PALD1: variants seen among roughly 807,000 people sequenced by gnomAD.
The protein encoded by PALD1 is phosphatase domain containing paladin 1, also known as paladin.
In PALD1, 57 loss-of-function variants were observed where a neutral mutation model predicts 96.0. That is an observed-to-expected ratio of 0.59 (90% CI 0.48 to 0.74). The LOEUF (loss-of-function observed/expected upper bound fraction) is 0.74, where lower values mean the gene tolerates loss of function less well. PALD1 is among the 30% of genes least tolerant of loss of function. The pLI, the probability that PALD1 is intolerant of heterozygous loss-of-function variation, is 0.00. For missense variants in PALD1, 1,063 were observed against 1,143.7 expected (o/e 0.93, Z 1.02); for synonymous variants, 464 against 473.6 (o/e 0.98, Z 0.26).
At chr10:70,538,160 T>A in intron 11 of PALD1, 120 bp from the exon 12 acceptor site, 1 of 1,099,082 alleles carries the variant, frequency 9.1e-7, no homozygotes, top group Non-Finnish European at 1.3e-6. Context: ...GCCACTCCCT[T>A]GTCCCTGCTC....
intron 10 of PALD1, among the ~76,000 whole-genome samples, chr10:70,535,405 A>G (rs761354842): frequency 1.5e-5 from 1 of 65,960 alleles, no homozygotes; most frequent in Non-Finnish European, 2.7e-5. Flanking sequence ...CTTTTTCCTC[A>G]CCCTCTTCCT....
At chr10:70,468,703 TGTG>T in the PALD1 span, among the ~76,000 whole-genome samples, 11 of 19,798 alleles carry the variant, frequency 5.6e-4, no homozygotes, top group Admixed American at 4.8e-3. Context: ...GAGGCAGGAC[TGTG>T]TGTGTGTGTG....
chr10:70,468,853 C>T, the PALD1 span, among the ~76,000 whole-genome samples: 1 of 151,974 alleles, frequency 6.6e-6, no homozygotes, highest in African/African-American at 2.4e-5. Flanking sequence ...TCTCCTGAGG[C>T]AGGACTCTTA....
intron 18 of PALD1, among the ~76,000 whole-genome samples, chr10:70,555,416 A>T (rs1346190318): frequency 6.6e-6 from 1 of 152,210 alleles, no homozygotes; most frequent in Admixed American, 6.5e-5. Flanking sequence ...TGGAGGCTGG[A>T]CCAGAAGCTG....
chr10:70,555,099 G>C (rs1026938960), intron 18 of PALD1, among the ~76,000 whole-genome samples: 22 of 144,254 alleles, frequency 1.5e-4, no homozygotes, highest in Non-Finnish European at 3.0e-4. Context: ...AGCCTCCCAA[G>C]TATCTGGGAT....
At chr10:70,526,915 A>G (rs763859227) in intron 2 of PALD1, among the ~76,000 whole-genome samples, 12 of 152,172 alleles carry the variant, frequency 7.9e-5, no homozygotes, top group Non-Finnish European at 1.2e-4. Flanking sequence ...AAGTTTGGCA[A>G]AGACTTAGCA....
chr10:70,536,537 T>C (rs1286406502), intron 10 of PALD1, among the ~76,000 whole-genome samples: 1 of 152,226 alleles, frequency 6.6e-6, no homozygotes, highest in Non-Finnish European at 1.5e-5. Context: ...AGATTGGGCA[T>C]CAGCAAACTA....
At chr10:70,519,131 CAG>C (rs772032775) in intron 1 of PALD1, among the ~76,000 whole-genome samples, 9 of 152,178 alleles carry the variant, frequency 5.9e-5, no homozygotes, top group Non-Finnish European at 1.2e-4. Flanking sequence ...GTAAATGAGA[CAG>C]AGTCTCGCTA....
At chr10:70,516,308 T>C (rs965265913) in intron 1 of PALD1, among the ~76,000 whole-genome samples, 1 of 152,058 alleles carries the variant, frequency 6.6e-6, no homozygotes, top group African/African-American at 2.4e-5. Context: ...ATTTTTGTAT[T>C]TTTATAAAAA....
At chr10:70,529,785 C>T in intron 3 of PALD1, 104 bp from the exon 4 acceptor site, 1 of 975,172 alleles carries the variant, frequency 1.0e-6, no homozygotes. Context: ...TCTTTTTGCC[C>T]CTATTTCCCC....
chr10:70,471,115 T>A, the PALD1 span, among the ~76,000 whole-genome samples: 8 of 152,014 alleles, frequency 5.3e-5, no homozygotes, highest in Admixed American at 3.9e-4. Flanking sequence ...AGCCACCGTG[T>A]CCGGCCTGAA....
intron 1 of PALD1, among the ~76,000 whole-genome samples, chr10:70,500,112 G>A (rs1029185431): frequency 6.6e-6 from 1 of 152,204 alleles, no homozygotes; most frequent in Non-Finnish European, 1.5e-5. Context: ...GCTAAGGCTC[G>A]AGCCCACACA....
At chr10:70,557,420 T>G (rs2132437015) in intron 18 of PALD1, among the ~76,000 whole-genome samples, 1 of 152,358 alleles carries the variant, frequency 6.6e-6, no homozygotes, top group East Asian at 1.9e-4. Flanking sequence ...CTAGAGGTGC[T>G]GCTGAACAGC....
chr10:70,459,074 C>T, the PALD1 span, among the ~76,000 whole-genome samples: 3 of 149,132 alleles, frequency 2.0e-5, no homozygotes, highest in African/African-American at 4.9e-5. Flanking sequence ...CCCACTGCTT[C>T]ACCCTTCCCC....
At position 70,526,058 on chromosome 10, in the gene PALD1, A is replaced by G. The variant is rs1221684497; in HGVS notation, c.107A>G (p.His36Arg). ...GACAGTCGGCACTCCGTCAGCATCC[A>G]CTCCTTCCAGAGCACTAGCTTGCAT... is the stretch of plus-strand genomic sequence containing the variant. ...TMDSRHSVSIHSFQSTSLHNS... is the reference protein window; with the variant it reads ...TMDSRHSVSIRSFQSTSLHNS... Residue 36 changes from histidine to arginine, a missense_variant, in exon 2 of 20, where the codon CAC becomes CGC. His to Arg is a conservative substitution (Grantham distance 29). Coordinates refer to ENST00000263563, the MANE Select transcript of PALD1 (RefSeq NM_014431.3). 6.2e-6 allele frequency: 10 copies of G among 1,613,624 alleles called. No individual in the cohort carries two copies. The highest frequency in any genetic ancestry group is 1.1e-5 in the South Asian group (1 of 91,056).
intron 1 of PALD1, among the ~76,000 whole-genome samples, chr10:70,495,359 T>A (rs1846176081): frequency 6.7e-6 from 1 of 149,218 alleles, no homozygotes; most frequent in African/African-American, 2.4e-5. Context: ...CCTTCTCTTG[T>A]TGGAAGATCT....
intron 19 of PALD1, among the ~76,000 whole-genome samples, chr10:70,565,715 A>G (rs1847833502): frequency 6.6e-6 from 1 of 152,160 alleles, no homozygotes; most frequent in African/African-American, 2.4e-5. Context: ...ATGGGGTCAC[A>G]CCAAGGCCAT....
At position 70,532,629 on chromosome 10, in the gene PALD1, C is replaced by A; in HGVS notation, c.642C>A (p.Asp214Glu). The change falls in exon 6 of 20, where the codon GAC becomes GAA. Residue 214 changes from aspartate (D) to glutamate (E), a missense_variant. Transcript: ENST00000263563. ...CCCACACCTCCCTCTAGATCCACGA[C>A]TTTGCCCAGCTGAGCGAGAACACAT... ...LELAIRKEIH[D>E]FAQLSENTYH... The A allele has an allele frequency of 6.2e-7, 1 of 1,614,058 alleles. No individual in the cohort carries two copies. Among genetic ancestry groups the A allele is most frequent in the Non-Finnish European group, 8.5e-7 (1 of 1,179,936 alleles).
intron 1 of PALD1, among the ~76,000 whole-genome samples, chr10:70,483,785 C>T (rs576458090): frequency 6.6e-6 from 1 of 152,332 alleles, no homozygotes; most frequent in East Asian, 1.9e-4. Context: ...GGAGAATCTC[C>T]TGAAGGAGTT....
Sources: allele counts gnomAD v4.1 joint callset (sites outside exome capture counted in the v4.1 genomes callset), GRCh38; gene constraint gnomAD v4.1.1; transcripts MANE v1.5; gene names NCBI Gene and HGNC (gene_info 2026-07-23, HGNC 2026-07-21).